Variants in TAB2 observed in about 807,000 individuals in gnomAD.
The protein encoded by TAB2 is TGF-beta-activated kinase 1 and MAP3K7-binding protein 2.
Under a neutral mutation model 65.0 loss-of-function variants are expected in TAB2, and 3 were observed. The observed-to-expected ratio is 0.05, with a 90% CI of 0.02 to 0.12. The LOEUF (loss-of-function observed/expected upper bound fraction) is 0.12. TAB2 is among the 10% of genes least tolerant of loss of function. The pLI, the probability that TAB2 is intolerant of heterozygous loss-of-function variation, is 1.00. For missense variants in TAB2, 623 were observed against 840.3 expected, an observed-to-expected ratio of 0.74 and a Z score of 3.20; for synonymous variants, 298 against 285.1, an observed-to-expected ratio of 1.05 and a Z score of -0.46.
chr6:149,290,982 A>G (rs1216392606), intron 1 of TAB2, among the ~76,000 whole-genome samples: 2 of 152,222 alleles, frequency 1.3e-5, no homozygotes, highest in South Asian at 4.1e-4. Flanking sequence ...CCCTATTTTC[A>G]TAGCTAAAAC....
At chr6:149,312,740 C>T (rs9498319), upstream of TAB2, among the ~76,000 whole-genome samples, 2,833 of 152,236 alleles carry the variant, frequency 0.019, 91 homozygotes, top group African/African-American at 0.065. Flanking sequence ...ACCTCTCTAC[C>T]GCTGGGTGAA....
At chr6:149,324,115 G>C (rs949729392) in intron 1 of TAB2, among the ~76,000 whole-genome samples, 5 of 151,762 alleles carry the variant, frequency 3.3e-5, no homozygotes, top group African/African-American at 1.2e-4. Flanking sequence ...TTTCACTTAA[G>C]AAGAAAAACA....
At chr6:149,269,203 C>A (rs571012166) in intron 1 of TAB2, among the ~76,000 whole-genome samples, 1 of 152,078 alleles carries the variant, frequency 6.6e-6, no homozygotes, top group African/African-American at 2.4e-5. Context: ...CTTTGTGCTG[C>A]GAATAAAATG....
At chr6:149,349,643 C>A (rs1428383887) in intron 1 of TAB2, among the ~76,000 whole-genome samples, 1 of 152,074 alleles carries the variant, frequency 6.6e-6, no homozygotes, top group African/African-American at 2.4e-5. Context: ...GCAAAATTGA[C>A]TTAATGTTCA....
intron 6 of TAB2, chr6:149,401,392 G>T: frequency 6.3e-6 from 1 of 157,718 alleles, no homozygotes. Context: ...ATAAATGGTA[G>T]CTAAAAGAAA....
At chr6:149,246,351 C>T (rs1777717371) in intron 1 of TAB2, 1 of 152,204 alleles carries the variant, frequency 6.6e-6, no homozygotes, top group South Asian at 2.1e-4. Flanking sequence ...TTTTACAGGA[C>T]TCTGTTTTCC....
intron 1 of TAB2, among the ~76,000 whole-genome samples, chr6:149,272,400 G>T (rs965913485): frequency 6.6e-6 from 1 of 152,184 alleles, no homozygotes; most frequent in African/African-American, 2.4e-5. Flanking sequence ...GTGGTGACAG[G>T]GTCATGTTCC....
chr6:149,395,300 T>G (rs1178428963), intron 3 of TAB2, among the ~76,000 whole-genome samples: 1 of 152,278 alleles, frequency 6.6e-6, no homozygotes, highest in African/African-American at 2.4e-5. Flanking sequence ...TCAACAGATA[T>G]GTTTAATTAG....
chr6:149,276,789 A>T (rs567561487), intron 1 of TAB2, among the ~76,000 whole-genome samples: 40 of 152,334 alleles, frequency 2.6e-4, no homozygotes, highest in Non-Finnish European at 5.4e-4. Flanking sequence ...TCTTTTATTC[A>T]ACAATTCCAT....
chr6:149,235,100 AATCT>A (rs1777472450), intron 1 of TAB2, among the ~76,000 whole-genome samples: 1 of 152,248 alleles, frequency 6.6e-6, no homozygotes, highest in Non-Finnish European at 1.5e-5. Flanking sequence ...TGTGCCACTC[AATCT>A]GAGTTCAGAG....
rs974199097 is a variant in TAB2, at chr6:149,235,086, G to A, written c.-121+16310G>A. 9.2e-5 allele frequency among the ~76,000 whole-genome samples: 14 copies of A among 152,184 alleles called. No individual in the cohort carries two copies. In the South Asian group the frequency reaches 1.0e-3, roughly 11 times the overall value. On this transcript the variant is annotated intron_variant, in intron 1 of 1. Coordinates refer to the TAB2 transcript ENST00000606202. ...AATAACTCCAGCTTTTTAAGTGTGC[G>A]CTCTGTGCCACTCAATCTGAGTTCA... is the stretch of plus-strand genomic sequence containing the variant.
At chr6:149,327,267 A>T (rs1010256978) in intron 1 of TAB2, among the ~76,000 whole-genome samples, 1 of 152,204 alleles carries the variant, frequency 6.6e-6, no homozygotes, top group Non-Finnish European at 1.5e-5. Flanking sequence ...TTTAAGACAG[A>T]TTAAATGTTC....
intron 1 of TAB2, among the ~76,000 whole-genome samples, chr6:149,328,894 T>TAG (rs1779697766): frequency 6.6e-6 from 1 of 152,124 alleles, no homozygotes; most frequent in African/African-American, 2.4e-5. Flanking sequence ...AGGTGACACT[T>TAG]AATCTGAGTG....
At chr6:149,267,261 A>G (rs1427393326) in intron 1 of TAB2, among the ~76,000 whole-genome samples, 2 of 152,114 alleles carry the variant, frequency 1.3e-5, no homozygotes, top group African/African-American at 2.4e-5. Context: ...CTGCAAGGCA[A>G]ACAGGAAACA....
intron 6 of TAB2, 65 bp downstream of exon 6, chr6:149,399,249 C>T: frequency 1.5e-6 from 2 of 1,308,370 alleles, no homozygotes; most frequent in East Asian, 4.7e-5. Flanking sequence ...AAAATTTTTC[C>T]TGTTCAGCAA....
chr6:149,372,840 T>C (rs1781275487), intron 2 of TAB2, among the ~76,000 whole-genome samples: 1 of 152,180 alleles, frequency 6.6e-6, no homozygotes, highest in Non-Finnish European at 1.5e-5. Context: ...AACGGGCAAA[T>C]TAAGCTACCT....
chr6:149,249,438 A>G (rs780254471), intron 1 of TAB2, among the ~76,000 whole-genome samples: 1 of 150,088 alleles, frequency 6.7e-6, no homozygotes, highest in Non-Finnish European at 1.5e-5. Context: ...CTGTCTCTCC[A>G]TCTCTGTCTC....
intron 6 of TAB2, among the ~76,000 whole-genome samples, chr6:149,405,142 A>G (rs1396530325): frequency 6.6e-6 from 1 of 152,256 alleles, no homozygotes; most frequent in East Asian, 1.9e-4. Flanking sequence ...GTATACAGAT[A>G]GCCAACAGGT....
intron 3 of TAB2, among the ~76,000 whole-genome samples, chr6:149,387,122 A>G (rs1781831895): frequency 6.6e-6 from 1 of 151,766 alleles, no homozygotes; most frequent in South Asian, 2.1e-4. Flanking sequence ...AACTCTATGT[A>G]TTTTTTCTTT....
Sources: allele counts gnomAD v4.1 joint callset (sites outside exome capture counted in the v4.1 genomes callset), GRCh38; gene constraint gnomAD v4.1.1; transcripts MANE v1.5; gene names NCBI Gene and HGNC (gene_info 2026-07-23, HGNC 2026-07-21).